The following UNC13C variants were observed in gnomAD, a reference collection of about 807,000 sequenced individuals.
UNC13C encodes the protein unc-13 homolog C.
Under a neutral mutation model 245.4 loss-of-function variants are expected in UNC13C, and 174 were observed. The observed-to-expected ratio is 0.71, with a 90% CI of 0.63 to 0.80. UNC13C has a LOEUF of 0.80. Ranked by LOEUF, UNC13C falls within the 30% of genes least tolerant of loss-of-function variation. The pLI, the probability that UNC13C is intolerant of heterozygous loss-of-function variation, is 0.00. For missense variants in UNC13C, 2,829 were observed against 2,602.9 expected (o/e 1.09, Z -1.89); for synonymous variants, 992 against 895.1 (o/e 1.11, Z -1.93).
chr15:53,934,870 A>T, the UNC13C span, among the ~76,000 whole-genome samples: 2 of 152,152 alleles, frequency 1.3e-5, no homozygotes, highest in African/African-American at 2.4e-5. Flanking sequence ...AATCCCATTC[A>T]TGAGGATTCC....
At chr15:54,518,756 A>T (rs2141128168) in intron 24 of UNC13C, among the ~76,000 whole-genome samples, 1 of 152,266 alleles carries the variant, frequency 6.6e-6, no homozygotes, top group Non-Finnish European at 1.5e-5. Flanking sequence ...CTATATTCAC[A>T]TCGCTGAGCA....
intron 2 of UNC13C, among the ~76,000 whole-genome samples, chr15:54,108,916 T>G (rs898193985): frequency 1.3e-5 from 2 of 152,206 alleles, no homozygotes; most frequent in African/African-American, 4.8e-5. Context: ...AGTTGTTCCA[T>G]CTTAGTGTGG....
At chr15:54,378,781 A>G (rs1209322439) in intron 17 of UNC13C, among the ~76,000 whole-genome samples, 1 of 151,986 alleles carries the variant, frequency 6.6e-6, no homozygotes, top group Non-Finnish European at 1.5e-5. Flanking sequence ...CTGTTAAATA[A>G]TTTATATATT....
At chr15:54,510,171 G>A (rs1465459093) in intron 23 of UNC13C, among the ~76,000 whole-genome samples, 1 of 152,186 alleles carries the variant, frequency 6.6e-6, no homozygotes, top group Non-Finnish European at 1.5e-5. Context: ...GAAACAAGGT[G>A]ATAATAACCA....
intron 30 of UNC13C, among the ~76,000 whole-genome samples, chr15:54,599,885 C>A (rs1047873028): frequency 6.6e-6 from 1 of 152,122 alleles, no homozygotes; most frequent in Admixed American, 6.6e-5. Flanking sequence ...CGCACCTCTT[C>A]CTAACCATTG....
intron 10 of UNC13C, among the ~76,000 whole-genome samples, chr15:54,272,698 C>T (rs1277141625): frequency 6.6e-6 from 1 of 152,170 alleles, no homozygotes; most frequent in Non-Finnish European, 1.5e-5. Context: ...ACCAATTCTA[C>T]TGTTCGCTTG....
chr15:54,595,854 T>C (rs1899049711), intron 30 of UNC13C, among the ~76,000 whole-genome samples: 1 of 152,242 alleles, frequency 6.6e-6, no homozygotes, highest in African/African-American at 2.4e-5. Flanking sequence ...TGATCTTTTA[T>C]AGAAATGTAG....
At chr15:54,053,410 C>T (rs1270180800) in intron 2 of UNC13C, among the ~76,000 whole-genome samples, 2 of 152,140 alleles carry the variant, frequency 1.3e-5, no homozygotes, top group Non-Finnish European at 2.9e-5. Flanking sequence ...GTAAATTCCA[C>T]AGTTAACAAA....
chr15:54,492,252 G>C (rs1168380396), intron 19 of UNC13C, among the ~76,000 whole-genome samples: 1 of 151,990 alleles, frequency 6.6e-6, no homozygotes, highest in Non-Finnish European at 1.5e-5. Context: ...TGTGTTCTCA[G>C]ATACAGTTTA....
the UNC13C span, among the ~76,000 whole-genome samples, chr15:53,893,242 G>A: frequency 2.6e-5 from 4 of 152,166 alleles, no homozygotes; most frequent in Admixed American, 6.5e-5. Context: ...TCCCAGAGGG[G>A]CACCTGCTAG....
intron 30 of UNC13C, among the ~76,000 whole-genome samples, chr15:54,621,930 A>G (rs1214788987): frequency 1.3e-5 from 2 of 152,194 alleles, no homozygotes; most frequent in African/African-American, 4.8e-5. Flanking sequence ...TAACAAAGCT[A>G]CCTTTCTGTT....
chr15:54,624,036 AG>A lies in UNC13C; in HGVS notation c.6359+85del, dbSNP rs558184788. On this transcript the variant is annotated intron_variant, in intron 32 of 32. Coordinates refer to ENST00000260323, the MANE Select transcript of UNC13C (RefSeq NM_001080534.3). ...CCTTACTGAGGGATTTGGAGTGTGA[AG>A]GGCTAAGGAAAATGAAGAAGGCTCT... The A allele has an allele frequency of 2.5e-3, 3,775 of 1,529,644 alleles. 40 individuals carry two copies. The highest frequency in any genetic ancestry group is 1.5e-3 in the Non-Finnish European group (1,674 of 1,125,018). The allele number at this position is 1,529,644 out of a possible 1,614,324, so 94.8% of individuals were successfully genotyped here. A position where few individuals can be genotyped will look rare whatever the true frequency, so the allele number is the denominator to read the frequency against.
intron 17 of UNC13C, among the ~76,000 whole-genome samples, chr15:54,388,172 G>C (rs1032650876): frequency 1.3e-5 from 2 of 151,998 alleles, no homozygotes; most frequent in Non-Finnish European, 2.9e-5. Flanking sequence ...CTCTAGATCT[G>C]TTTCTTCACC....
intron 30 of UNC13C, among the ~76,000 whole-genome samples, chr15:54,613,493 A>G (rs929963962): frequency 6.6e-6 from 1 of 151,964 alleles, no homozygotes; most frequent in Non-Finnish European, 1.5e-5. Context: ...ACCTAGTGAA[A>G]TAAAACTGTA....
the UNC13C span, among the ~76,000 whole-genome samples, chr15:53,857,377 A>G: frequency 6.6e-6 from 1 of 152,162 alleles, no homozygotes; most frequent in Non-Finnish European, 1.5e-5. Context: ...TAAAGAAGAG[A>G]GTTAGTTTGT....
At chr15:54,353,010 A>G (rs1163273543) in intron 17 of UNC13C, among the ~76,000 whole-genome samples, 1 of 152,200 alleles carries the variant, frequency 6.6e-6, no homozygotes, top group East Asian at 1.9e-4. Context: ...ATTCAAAATT[A>G]TGCAGGAAGA....
chr15:54,601,987 C>T lies in UNC13C; in HGVS notation c.6107-20340C>T, dbSNP rs115796925. ...TTGACTTGCACTCCCCTCTTACTTC[C>T]CTCCCTCTGTGAGCCCACAGCCAGC... On this transcript the variant is annotated intron_variant, in intron 30 of 32. Transcript: ENST00000260323. Among the ~76,000 whole-genome samples the T allele has an allele frequency of 9.6e-3, 1,465 of 152,270 alleles. 22 individuals are homozygous for T. The highest frequency in any genetic ancestry group is 0.034 in the African/African-American group (1,423 of 41,552).
At chr15:54,324,006 A>G (rs1031110115) in intron 14 of UNC13C, among the ~76,000 whole-genome samples, 2 of 152,022 alleles carry the variant, frequency 1.3e-5, no homozygotes, top group Non-Finnish European at 2.9e-5. Flanking sequence ...GATTGATTTC[A>G]GTACATTTTA....
At chr15:54,272,198 T>C (rs2036704696) in intron 10 of UNC13C, among the ~76,000 whole-genome samples, 1 of 152,144 alleles carries the variant, frequency 6.6e-6, no homozygotes, top group African/African-American at 2.4e-5. Flanking sequence ...GTTTTGGACC[T>C]TTTGAAGTAT....
Sources: gnomAD v4.1 joint callset for allele counts (sites outside exome capture counted in the v4.1 genomes callset) on GRCh38, gnomAD v4.1.1 for gene constraint, MANE v1.5 for transcripts, NCBI Gene and HGNC (gene_info 2026-07-23, HGNC 2026-07-21) for gene names.